SPECC1: variants seen among roughly 807,000 people sequenced by gnomAD.
The protein encoded by SPECC1 is cytospin-B.
Under a neutral mutation model 104.1 loss-of-function variants are expected in SPECC1, and 62 were observed. The ratio of observed to expected loss-of-function variants is 0.60; its 90% confidence interval spans 0.49 to 0.74. The LOEUF is 0.74. Among genes scored for constraint, SPECC1 ranks in the 30% least tolerant of loss-of-function variants. The pLI, the probability that SPECC1 is intolerant of heterozygous loss-of-function variation, is 0.00. For synonymous variants in SPECC1, 513 were observed against 501.6 expected (o/e 1.02, Z -0.30); for missense variants, 1,306 against 1,310.5 (o/e 1.00, Z 0.05).
intron 1 of SPECC1, among the ~76,000 whole-genome samples, chr17:20,080,114 G>T (rs993578893): frequency 1.3e-5 from 2 of 152,098 alleles, no homozygotes; most frequent in African/African-American, 4.8e-5. Flanking sequence ...GGACTTAACC[G>T]CAAGTGAGAA....
Position 20,021,702 on chromosome 17 carries a change from A to ATATT in SPECC1, c.-22+12279_-22+12280insATTT, listed in dbSNP as rs1402960712. Among the ~76,000 whole-genome samples, 486 of 139,256 alleles carry ATATT rather than the reference A, an allele frequency of 3.5e-3. 3 individuals are homozygous for ATATT. Among genetic ancestry groups the ATATT allele is most frequent in the African/African-American group, 0.012 (457 of 37,506 alleles). 91.4% of individuals were successfully genotyped at this position (139,256 alleles called of 152,430 possible). A position where few individuals can be genotyped will look rare whatever the true frequency, so the allele number is the denominator to read the frequency against. On this transcript the variant is annotated intron_variant, in intron 1 of 14. Coordinates refer to ENST00000395527, the MANE Select transcript of SPECC1 (RefSeq NM_001243439.2). ...TATAATAATATATATATATATATAT[A>ATATT]TTTTTTTGTACTTTTAGTAGAGACC...
At chr17:20,156,695 C>G (rs1342021444) in intron 3 of SPECC1, among the ~76,000 whole-genome samples, 1 of 152,198 alleles carries the variant, frequency 6.6e-6, no homozygotes, top group Non-Finnish European at 1.5e-5. Context: ...TGTTCCTAAC[C>G]CAGAATAGTC....
intron 9 of SPECC1, among the ~76,000 whole-genome samples, chr17:20,247,845 A>G (rs2039482122): frequency 6.6e-6 from 1 of 152,216 alleles, no homozygotes; most frequent in African/African-American, 2.4e-5. Context: ...ATCAGAGATG[A>G]CTGTAGTTAA....
rs1349994023 is a variant in SPECC1, at chr17:20,314,895, G to A, written c.*830G>A. On this transcript the variant is annotated 3_prime_UTR_variant, in exon 15 of 15. Transcript: ENST00000395527. ...AAAAGGAAAGCCTGTGAGAATGCAAGGGAGCCCCTGGCTGCTTTGCTGGAG... is the reference window on the plus strand; with the variant it reads ...AAAAGGAAAGCCTGTGAGAATGCAAAGGAGCCCCTGGCTGCTTTGCTGGAG... 4.3e-6 allele frequency: 1 copy of A among 232,260 alleles called. No homozygotes were observed. Among genetic ancestry groups the A allele is most frequent in the Non-Finnish European group, 8.5e-6 (1 of 117,502 alleles). The allele number at this position is 232,260 out of a possible 1,614,324, so 14.4% of individuals were successfully genotyped here. A position where few individuals can be genotyped will look rare whatever the true frequency, so the allele number is the denominator to read the frequency against.
At chr17:20,254,040 T>G (rs2039730003) in intron 10 of SPECC1, among the ~76,000 whole-genome samples, 1 of 152,252 alleles carries the variant, frequency 6.6e-6, no homozygotes, top group East Asian at 1.9e-4. Context: ...AAATCTTACC[T>G]GATTTTGAAT....
intron 12 of SPECC1, among the ~76,000 whole-genome samples, chr17:20,287,291 C>T (rs945591286): frequency 2.8e-4 from 43 of 151,844 alleles, no homozygotes; most frequent in Non-Finnish European, 3.4e-4. Context: ...GTGGCGGGCG[C>T]CTGTAGTCCC....
At position 20,204,752 on chromosome 17, in the gene SPECC1, A is replaced by T. The variant is rs1482595016; in HGVS notation, c.703A>T (p.Asn235Tyr). 6.2e-7 allele frequency: 1 copy of T among 1,614,142 alleles called. No individual in the cohort carries two copies. Among genetic ancestry groups the T allele is most frequent in the South Asian group, 1.1e-5 (1 of 91,082 alleles). ...MIRALEEKNK[N>Y]FQKELSDLEE... is the part of the protein sequence containing the mutation. ...AAGAGCTCTTGAGGAGAAGAACAAG[A>T]ACTTTCAGAAAGAGCTTTCCGATCT... The change falls in exon 4 of 15, where the codon AAC becomes TAC. Residue 235 changes from asparagine (N) to tyrosine (Y), a missense_variant. Coordinates refer to ENST00000395527, the MANE Select transcript of SPECC1 (RefSeq NM_001243439.2).
chr17:20,076,306 C>T (rs1429242624), intron 1 of SPECC1, among the ~76,000 whole-genome samples: 1 of 152,176 alleles, frequency 6.6e-6, no homozygotes, highest in Admixed American at 6.5e-5. Context: ...CTCAAACTAT[C>T]CTCCCACCTC....
At chr17:20,084,084 TTTA>T (rs200223977) in intron 1 of SPECC1, among the ~76,000 whole-genome samples, 1,529 of 152,330 alleles carry the variant, frequency 0.01, 8 homozygotes, top group Non-Finnish European at 0.015. Flanking sequence ...CCTTGTGCAG[TTTA>T]TTATTATTAT....
chr17:20,174,570 G>A lies in SPECC1; in HGVS notation c.284-29763G>A, dbSNP rs558664008. Among the ~76,000 whole-genome samples, 7 of 151,366 alleles carry A rather than the reference G, an allele frequency of 4.6e-5. No individual in the cohort carries two copies. In the South Asian group the frequency reaches 1.1e-3, roughly 23 times the overall value. On this transcript the variant is annotated intron_variant, in intron 3 of 14. Coordinates refer to ENST00000395527, the MANE Select transcript of SPECC1 (RefSeq NM_001243439.2). ...GATTGAGCTGGAATGGGCCTTCACC[G>A]TGTCCCAAATGGAGACCAGGTGGTC... is the stretch of plus-strand genomic sequence containing the variant.
At chr17:20,195,011 C>T (rs1359043828) in intron 3 of SPECC1, among the ~76,000 whole-genome samples, 1 of 152,102 alleles carries the variant, frequency 6.6e-6, no homozygotes, top group African/African-American at 2.4e-5. Context: ...AACAAAGGAT[C>T]AGTAGTGTTT....
intron 1 of SPECC1, among the ~76,000 whole-genome samples, chr17:20,027,890 T>C (rs2044656057): frequency 6.6e-6 from 1 of 152,184 alleles, no homozygotes; most frequent in Non-Finnish European, 1.5e-5. Context: ...CTTGATGGTG[T>C]CCTTTCCAGC....
intron 4 of SPECC1, among the ~76,000 whole-genome samples, chr17:20,218,413 T>G (rs1474713078): frequency 6.6e-6 from 1 of 152,208 alleles, no homozygotes. Context: ...CTTAGTCATC[T>G]TGATGCATTT....
chr17:20,102,327 C>A (rs1283086243), intron 2 of SPECC1, among the ~76,000 whole-genome samples: 1 of 152,184 alleles, frequency 6.6e-6, no homozygotes, highest in Non-Finnish European at 1.5e-5. Context: ...TTTTAAGCTA[C>A]CAGTCTTTTT....
intron 1 of SPECC1, among the ~76,000 whole-genome samples, chr17:20,057,119 G>T (rs2045994353): frequency 6.6e-6 from 1 of 152,116 alleles, no homozygotes; most frequent in African/African-American, 2.4e-5. Context: ...TCTTTCAGCT[G>T]CTGAGTTAAC....
At chr17:20,108,122 G>A (rs2048322395) in intron 2 of SPECC1, among the ~76,000 whole-genome samples, 1 of 151,980 alleles carries the variant, frequency 6.6e-6, no homozygotes, top group Non-Finnish European at 1.5e-5. Flanking sequence ...GGTGGTGATG[G>A]TTGTACAACA....
At chr17:20,098,489 A>T (rs554149755) in intron 2 of SPECC1, among the ~76,000 whole-genome samples, 1 of 152,024 alleles carries the variant, frequency 6.6e-6, no homozygotes, top group Non-Finnish European at 1.5e-5. Context: ...CTCCCCATTC[A>T]CTCAGAGTGA....
At chr17:20,216,982 A>G (rs2037532577) in intron 4 of SPECC1, among the ~76,000 whole-genome samples, 2 of 151,764 alleles carry the variant, frequency 1.3e-5, no homozygotes, top group South Asian at 4.2e-4. Flanking sequence ...GCGAGACCCC[A>G]TGTCTTAAAA....
intron 3 of SPECC1, among the ~76,000 whole-genome samples, chr17:20,147,945 G>A (rs1226187019): frequency 1.3e-5 from 2 of 152,122 alleles, no homozygotes; most frequent in East Asian, 1.9e-4. Flanking sequence ...GGGAGGCTGA[G>A]GTGGGAGGAT....
Sources: allele counts gnomAD v4.1 joint callset (sites outside exome capture counted in the v4.1 genomes callset), GRCh38; gene constraint gnomAD v4.1.1; transcripts MANE v1.5; gene names NCBI Gene and HGNC (gene_info 2026-07-23, HGNC 2026-07-21).